The following PLCG2 variants were observed in gnomAD, a reference collection of about 807,000 sequenced individuals.
PLCG2 encodes phospholipase C gamma 2.
Under a neutral mutation model 175.6 loss-of-function variants are expected in PLCG2, and 69 were observed. The observed-to-expected ratio is 0.39, with a 90% confidence interval of 0.32 to 0.48. PLCG2 has a LOEUF of 0.48. Ranked by LOEUF, PLCG2 falls within the 20% of genes least tolerant of loss-of-function variation. PLCG2 has a pLI of 0.91. For missense variants in PLCG2, 1,798 were observed against 1,650.9 expected (o/e 1.09, Z -1.54); for synonymous variants, 827 against 624.0 (o/e 1.33, Z -4.85).
chr16:81,938,928 C>G lies in PLCG2; in HGVS notation c.3313+13C>G. On this transcript the variant is annotated intron_variant, in intron 29 of 32. Coordinates refer to ENST00000564138, the MANE Select transcript of PLCG2 (RefSeq NM_002661.5). ...ACGACGGTTGTGAGTAAGTCAGTCA[C>G]CTTGGCCCCTCTGCTTTTAAACGTC... 6.7e-7 allele frequency: 1 copy of G among 1,484,572 alleles called. No homozygotes were observed. The highest frequency in any genetic ancestry group is 9.4e-7 in the Non-Finnish European group (1 of 1,064,366). 92.0% of individuals were successfully genotyped at this position (1,484,572 alleles called of 1,614,324 possible).
chr16:81,910,173 C>T (rs886240709), intron 17 of PLCG2, among the ~76,000 whole-genome samples: 3 of 152,148 alleles, frequency 2.0e-5, no homozygotes, highest in Non-Finnish European at 4.4e-5. Flanking sequence ...TCACTGCAAC[C>T]TTCGTCTCCC....
chr16:81,899,654 A>G (rs952674947), intron 13 of PLCG2, among the ~76,000 whole-genome samples: 2 of 152,078 alleles, frequency 1.3e-5, no homozygotes, highest in Non-Finnish European at 2.9e-5. Context: ...TTTCTTGGTG[A>G]TCTTGCTGTT....
At chr16:81,803,307 A>T (rs1911826666) in intron 2 of PLCG2, among the ~76,000 whole-genome samples, 1 of 151,694 alleles carries the variant, frequency 6.6e-6, no homozygotes, top group Non-Finnish European at 1.5e-5. Flanking sequence ...TTTTTAGTAG[A>T]GATGGGGTTT....
chr16:81,795,420 C>T (rs1036909695), intron 2 of PLCG2, among the ~76,000 whole-genome samples: 3 of 152,126 alleles, frequency 2.0e-5, no homozygotes, highest in Non-Finnish European at 4.4e-5. Flanking sequence ...ACAAAGCTTT[C>T]CTATTAGTGA....
chr16:81,846,128 C>T (rs1567495081), intron 2 of PLCG2, among the ~76,000 whole-genome samples: 1 of 152,226 alleles, frequency 6.6e-6, no homozygotes, highest in African/African-American at 2.4e-5. Context: ...TCGTGGCTCA[C>T]AGGTGCCCCT....
At chr16:81,869,364 C>T (rs570095697) in intron 6 of PLCG2, 66 bp downstream of exon 6, 287 of 1,177,028 alleles carry the variant, frequency 2.4e-4, no homozygotes, top group African/African-American at 8.9e-4. Flanking sequence ...CTCATGAAGC[C>T]GTGGCTTGCC....
intron 7 of PLCG2, among the ~76,000 whole-genome samples, chr16:81,874,948 G>GTTTTTTTTTTTTTTTT (rs770994063): frequency 6.6e-4 from 27 of 40,754 alleles, no homozygotes; most frequent in Admixed American, 9.6e-4. Context: ...TATCCTATGT[G>GTTTTTTTTTTTTTTTT]TTTTTTTTTT....
intron 2 of PLCG2, among the ~76,000 whole-genome samples, chr16:81,805,500 G>GAAA (rs1316978784): frequency 3.7e-5 from 2 of 54,222 alleles, no homozygotes; most frequent in Non-Finnish European, 8.4e-5. Context: ...CTCCATCTCA[G>GAAA]AAAAAAAAAA....
At chr16:81,927,374 G>A (rs1910319565) in intron 23 of PLCG2, among the ~76,000 whole-genome samples, 196 bp downstream of exon 23, 1 of 152,168 alleles carries the variant, frequency 6.6e-6, no homozygotes, top group Admixed American at 6.5e-5. Context: ...GTGACAAGCC[G>A]GCCGTGTTTT....
intron 2 of PLCG2, among the ~76,000 whole-genome samples, chr16:81,814,115 C>G (rs1904435070): frequency 6.6e-6 from 1 of 152,162 alleles, no homozygotes; most frequent in South Asian, 2.1e-4. Flanking sequence ...GGCTGGGAAC[C>G]CAGGCTGGGG....
At chr16:81,811,339 G>T (rs778485587) in intron 2 of PLCG2, among the ~76,000 whole-genome samples, 1 of 152,180 alleles carries the variant, frequency 6.6e-6, no homozygotes, top group Non-Finnish European at 1.5e-5. Context: ...TTGGTTGGCA[G>T]TATCATCGAT....
At chr16:81,761,829 A>ATTTACTTTTTTTTT (rs909875950) in intron 2 of PLCG2, among the ~76,000 whole-genome samples, 1 of 130,246 alleles carries the variant, frequency 7.7e-6, no homozygotes, top group African/African-American at 2.8e-5. Flanking sequence ...CACCCTGCAC[A>ATTTACTTTTTTTTT]TTTTTTTTTT....
upstream of PLCG2, chr16:81,739,049 A>T (rs1909524798): frequency 6.6e-6 from 1 of 151,904 alleles, no homozygotes; most frequent in African/African-American, 2.4e-5. Context: ...ATAAGCGTGA[A>T]CTAGAGAGTG....
chr16:81,765,706 C>G (rs562781208), intron 2 of PLCG2, among the ~76,000 whole-genome samples: 1 of 93,404 alleles, frequency 1.1e-5, no homozygotes, highest in South Asian at 3.5e-4. Flanking sequence ...ACCACATCAG[C>G]GAGTTATGGT....
intron 8 of PLCG2, among the ~76,000 whole-genome samples, chr16:81,881,553 C>T (rs951717511): frequency 6.6e-6 from 1 of 152,296 alleles, no homozygotes; most frequent in South Asian, 2.1e-4. Context: ...GTACGTTGAT[C>T]CAGTCTTTAT....
intron 1 of PLCG2, among the ~76,000 whole-genome samples, chr16:81,746,435 G>A (rs1909708621): frequency 6.6e-6 from 1 of 152,220 alleles, no homozygotes; most frequent in African/African-American, 2.4e-5. Flanking sequence ...GGCCGCTGGG[G>A]CAGAGTGAGC....
intron 2 of PLCG2, among the ~76,000 whole-genome samples, chr16:81,846,131 G>A (rs1402098752): frequency 6.6e-6 from 1 of 152,168 alleles, no homozygotes; most frequent in Non-Finnish European, 1.5e-5. Flanking sequence ...TGGCTCACAG[G>A]TGCCCCTTCT....
intron 2 of PLCG2, among the ~76,000 whole-genome samples, chr16:81,765,193 G>A (rs937265955): frequency 5.3e-5 from 8 of 152,264 alleles, no homozygotes; most frequent in East Asian, 1.9e-4. Context: ...GCAACACAGC[G>A]ACACACAGGG....
chr16:81,840,033 G>A (rs1905736793), intron 2 of PLCG2, among the ~76,000 whole-genome samples: 1 of 152,196 alleles, frequency 6.6e-6, no homozygotes, highest in Non-Finnish European at 1.5e-5. Flanking sequence ...CTCCAGCCTG[G>A]GTGACAGGGC....
Sources: allele counts gnomAD v4.1 joint callset (sites outside exome capture counted in the v4.1 genomes callset), GRCh38; gene constraint gnomAD v4.1.1; transcripts MANE v1.5; gene names NCBI Gene and HGNC (gene_info 2026-07-23, HGNC 2026-07-21).